The following AP2B1 variants were observed in gnomAD, a reference collection of about 807,000 sequenced individuals.
The protein encoded by AP2B1 is AP-2 complex subunit beta.
AP2B1 carries 23 observed loss-of-function variants against 102.0 expected under a neutral mutation model. The observed-to-expected ratio is 0.23, with a 90% CI of 0.16 to 0.32. The LOEUF (loss-of-function observed/expected upper bound fraction) is 0.32. Among genes scored for constraint, AP2B1 ranks in the 10% least tolerant of loss-of-function variants. The pLI, the probability that AP2B1 is intolerant of heterozygous loss-of-function variation, is 1.00. For synonymous variants in AP2B1, 381 were observed against 421.2 expected, an observed-to-expected ratio of 0.90 and a Z score of 1.17; for missense variants, 541 against 1,157.4, an observed-to-expected ratio of 0.47 and a Z score of 7.73.
intron 17 of AP2B1, among the ~76,000 whole-genome samples, chr17:35,679,760 AAG>A (rs2075777556): frequency 6.6e-6 from 1 of 152,182 alleles, no homozygotes; most frequent in Admixed American, 6.5e-5. Context: ...GCAAAATCAA[AAG>A]AGTAAAATTT....
chr17:35,668,176 A>G (rs1055615703), intron 14 of AP2B1, among the ~76,000 whole-genome samples: 2 of 152,044 alleles, frequency 1.3e-5, no homozygotes, highest in African/African-American at 4.8e-5. Context: ...ACCTCAGGTG[A>G]TCAACCGGCC....
At chr17:35,666,756 A>C (rs2075474749) in intron 14 of AP2B1, among the ~76,000 whole-genome samples, 1 of 152,118 alleles carries the variant, frequency 6.6e-6, no homozygotes, top group South Asian at 2.1e-4. Context: ...TATCACTCTG[A>C]GTTTTACAAG....
Position 35,641,823 on chromosome 17 carries a change from A to G in AP2B1, c.1438-54A>G, listed in dbSNP as rs551077627. 1.1e-5 allele frequency: 15 copies of G among 1,333,536 alleles called. No individual in the cohort carries two copies. In the African/African-American group the frequency reaches 2.0e-4, roughly 18 times the overall value. 82.6% of individuals were successfully genotyped at this position (1,333,536 alleles called of 1,614,324 possible). A position where few individuals can be genotyped will look rare whatever the true frequency, so the allele number is the denominator to read the frequency against. ...GAAACACCACTTTGGAGATGATGGC[A>G]GGGAATAATGCCAGTGCCATTCTTT... is the stretch of plus-strand genomic sequence containing the variant. On this transcript the variant is annotated intron_variant, in intron 11 of 21. Transcript: ENST00000610402.
chr17:35,634,040 G>A (rs967335459), intron 9 of AP2B1, among the ~76,000 whole-genome samples: 2 of 152,100 alleles, frequency 1.3e-5, no homozygotes, highest in African/African-American at 2.4e-5. Context: ...CCAGCTACTC[G>A]GGAGGCTGAG....
chr17:35,653,330 AT>A (rs2075136368), intron 13 of AP2B1, among the ~76,000 whole-genome samples: 1 of 152,188 alleles, frequency 6.6e-6, no homozygotes, highest in African/African-American at 2.4e-5. Context: ...CCAACACTTA[AT>A]CCCCTGTTTT....
At chr17:35,600,913 ACT>A (rs1286485619) in intron 3 of AP2B1, 2 of 741,706 alleles carry the variant, frequency 2.7e-6, no homozygotes, top group African/African-American at 1.9e-5. Flanking sequence ...GTAGGAAATG[ACT>A]CTGTATCTTC....
At chr17:35,647,177 AT>A (rs2074957289) in intron 12 of AP2B1, among the ~76,000 whole-genome samples, 1 of 152,204 alleles carries the variant, frequency 6.6e-6, no homozygotes, top group Admixed American at 6.5e-5. Flanking sequence ...ATAGGTTAAA[AT>A]TTAACGTTTA....
chr17:35,602,582 A>G (rs1333550721), intron 3 of AP2B1, among the ~76,000 whole-genome samples: 1 of 152,248 alleles, frequency 6.6e-6, no homozygotes, highest in Non-Finnish European at 1.5e-5. Flanking sequence ...TATTTGACCC[A>G]GTATATCTAA....
At chr17:35,620,329 A>T (rs1384269399) in intron 5 of AP2B1, among the ~76,000 whole-genome samples, 1 of 151,768 alleles carries the variant, frequency 6.6e-6, no homozygotes, top group Non-Finnish European at 1.5e-5. Flanking sequence ...CAAAAAAAAA[A>T]ATTAGCCAGG....
At chr17:35,714,975 CTATCCCAGTCAGACCAGGAAGCCTCCTTA>C (rs2076524286) in intron 20 of AP2B1, among the ~76,000 whole-genome samples, 2 of 152,208 alleles carry the variant, frequency 1.3e-5, no homozygotes, top group Non-Finnish European at 2.9e-5. Flanking sequence ...GTCAAGAATT[CTATCCCAGTCAGACCAGGAAGCCTCCTTA>C]TATCTGGCTT....
chr17:35,703,534 A>G (rs2076281187), intron 18 of AP2B1, among the ~76,000 whole-genome samples: 1 of 152,194 alleles, frequency 6.6e-6, no homozygotes, highest in African/African-American at 2.4e-5. Context: ...TTGCAGGAGC[A>G]TAGATGGAGC....
chr17:35,640,227 A>AT (rs745826240), intron 11 of AP2B1, among the ~76,000 whole-genome samples: 86 of 60,596 alleles, frequency 1.4e-3, no homozygotes, highest in South Asian at 2.9e-3. Flanking sequence ...AGTTTTACTG[A>AT]TTTTTTTTTT....
intron 17 of AP2B1, among the ~76,000 whole-genome samples, chr17:35,675,647 G>GT (rs2075684178): frequency 2.2e-5 from 2 of 89,444 alleles, no homozygotes; most frequent in African/African-American, 8.5e-5. Context: ...TTTTTTTTTT[G>GT]TGGGGGGATG....
chr17:35,599,409 T>A (rs2073402401), intron 3 of AP2B1, among the ~76,000 whole-genome samples: 1 of 152,174 alleles, frequency 6.6e-6, no homozygotes, highest in Non-Finnish European at 1.5e-5. Context: ...TTTTGGAAAA[T>A]TTGTATCTCC....
chr17:35,674,111 T>A, intron 16 of AP2B1, 65 bp from the exon 17 acceptor site: 1 of 1,492,796 alleles, frequency 6.7e-7, no homozygotes, highest in Non-Finnish European at 9.1e-7. Flanking sequence ...TTTTTATTTG[T>A]TAAAAAATGC....
intron 5 of AP2B1, 66 bp downstream of exon 5, chr17:35,608,453 A>G: frequency 1.9e-6 from 3 of 1,576,676 alleles, no homozygotes; most frequent in Non-Finnish European, 2.6e-6. Context: ...AAGCGTGTTT[A>G]ATATGAACCT....
At chr17:35,673,454 T>C (rs571870963) in intron 16 of AP2B1, among the ~76,000 whole-genome samples, 1 of 152,306 alleles carries the variant, frequency 6.6e-6, no homozygotes, top group African/African-American at 2.4e-5. Flanking sequence ...CCCAAAGTGC[T>C]GGGATTGCAG....
chr17:35,666,109 T>C (rs1243249496), intron 14 of AP2B1, among the ~76,000 whole-genome samples: 3 of 152,206 alleles, frequency 2.0e-5, no homozygotes, highest in Non-Finnish European at 2.9e-5. Context: ...TTTTGTTATC[T>C]ATAGCTGAAC....
rs181658131 is a variant in AP2B1, at chr17:35,687,135, T to A, written c.2454+4311T>A. ...CTGGATTTTTATTTATTTATTTTTT[T>A]TGAGATAGGGTCTCACTCTGTCACC... On this transcript the variant is annotated intron_variant, in intron 18 of 21. Coordinates refer to ENST00000610402, the MANE Select transcript of AP2B1 (RefSeq NM_001030006.2). Among the ~76,000 whole-genome samples, 337 of 152,278 alleles carry A rather than the reference T, an allele frequency of 2.2e-3. 1 individual carries two copies. The highest frequency in any genetic ancestry group is 7.9e-3 in the African/African-American group (329 of 41,564).
Sources: allele counts gnomAD v4.1 joint callset (sites outside exome capture counted in the v4.1 genomes callset), GRCh38; gene constraint gnomAD v4.1.1; transcripts MANE v1.5; gene names NCBI Gene and HGNC (gene_info 2026-07-23, HGNC 2026-07-21).